Variants in PITPNC1 observed in about 807,000 individuals in gnomAD.
PITPNC1 encodes the protein cytoplasmic phosphatidylinositol transfer protein 1.
In PITPNC1, 18 loss-of-function variants were observed where a neutral mutation model predicts 44.7. The observed-to-expected ratio is 0.40, with a 90% CI of 0.28 to 0.60. PITPNC1 has a LOEUF of 0.60. PITPNC1 is among the 20% of genes least tolerant of loss of function. The probability of loss-of-function intolerance (pLI) is 0.39; values close to 1 mark genes in which losing one functional copy is unlikely to be tolerated. For synonymous variants in PITPNC1, 141 were observed against 149.6 expected (o/e 0.94, Z 0.42); for missense variants, 290 against 418.4 (o/e 0.69, Z 2.68).
At chr17:67,680,116 A>G (rs1300062252) in intron 8 of PITPNC1, among the ~76,000 whole-genome samples, 1 of 152,132 alleles carries the variant, frequency 6.6e-6, no homozygotes, top group Non-Finnish European at 1.5e-5. Context: ...ATGGAGAAAG[A>G]AGCCTGCTAG....
chr17:67,538,622 G>GATAA (rs1338508950), intron 2 of PITPNC1, among the ~76,000 whole-genome samples: 23 of 151,926 alleles, frequency 1.5e-4, no homozygotes, highest in African/African-American at 5.6e-4. Context: ...TAAATAGATA[G>GATAA]ATAAATTCCA....
rs1182934692 is a variant in PITPNC1 at position 67,694,580 on chromosome 17, G to A, written c.*1692G>A. On this transcript the variant is annotated 3_prime_UTR_variant, in exon 9 of 9. Coordinates refer to ENST00000581322, the MANE Select transcript of PITPNC1 (RefSeq NM_012417.4). The stretch of plus-strand genomic sequence containing the variant: ...AGTTTTCTAAGTCATAGGTCAGACT[G>A]TCAAGATCATTTCTTTATCTATAGG... 6.6e-6 allele frequency: 1 copy of A among 152,054 alleles called. No homozygotes were observed. Among genetic ancestry groups the A allele is most frequent in the Non-Finnish European group, 1.5e-5 (1 of 68,026 alleles). The allele number at this position is 152,054 out of a possible 1,614,324, so 9.4% of individuals were successfully genotyped here. A position where few individuals can be genotyped will look rare whatever the true frequency, so the allele number is the denominator to read the frequency against.
chr17:67,462,314 C>CTCTGCCTCCTGGGT (rs1235274510), intron 1 of PITPNC1, among the ~76,000 whole-genome samples: 1 of 146,804 alleles, frequency 6.8e-6, no homozygotes, highest in Non-Finnish European at 1.5e-5. Context: ...TCACTACAAC[C>CTCTGCCTCCTGGGT]TCTGCCTCCT....
chr17:67,433,953 T>TA (rs1208431360), intron 1 of PITPNC1, among the ~76,000 whole-genome samples: 1 of 152,014 alleles, frequency 6.6e-6, no homozygotes, highest in Non-Finnish European at 1.5e-5. Context: ...GGTGCTGGCA[T>TA]AGAGGTACAG....
At chr17:67,520,562 T>C (rs2040312550) in intron 1 of PITPNC1, among the ~76,000 whole-genome samples, 1 of 152,194 alleles carries the variant, frequency 6.6e-6, no homozygotes, top group Non-Finnish European at 1.5e-5. Context: ...GAAATCCCCC[T>C]CTTTGCCAGA....
Position 67,392,102 on chromosome 17 carries a change from G to A in PITPNC1, c.48+13900G>A, listed in dbSNP as rs368556805. ...ATAGGCATCATCAGCAGAGATGTTAGTTCATGAGCACCTGTGAGTTTCTCA... is the reference window on the plus strand; with the variant it reads ...ATAGGCATCATCAGCAGAGATGTTAATTCATGAGCACCTGTGAGTTTCTCA... On this transcript the variant is annotated intron_variant, in intron 1 of 8. Coordinates refer to ENST00000581322, the MANE Select transcript of PITPNC1 (RefSeq NM_012417.4). Among the ~76,000 whole-genome samples, 27 of 152,292 alleles carry A rather than the reference G, an allele frequency of 1.8e-4. No homozygotes were observed. The South Asian group carries it at 5.2e-3, about 29-fold the overall frequency.
intron 1 of PITPNC1, among the ~76,000 whole-genome samples, chr17:67,381,179 T>A (rs933495328): frequency 1.3e-5 from 2 of 151,644 alleles, no homozygotes; most frequent in African/African-American, 4.8e-5. Context: ...TACAAAAAAA[T>A]TAAGCAGGCC....
chr17:67,394,329 T>C (rs992340834), intron 1 of PITPNC1, among the ~76,000 whole-genome samples: 2 of 152,124 alleles, frequency 1.3e-5, no homozygotes, highest in African/African-American at 4.8e-5. Flanking sequence ...AAGCCTGGCC[T>C]TCTTTAACCT....
intron 5 of PITPNC1, chr17:67,613,379 T>C (rs1372046908): frequency 6.6e-6 from 1 of 152,176 alleles, no homozygotes; most frequent in Admixed American, 6.5e-5. Flanking sequence ...GTCTGAGATA[T>C]CCAGGAGATT....
chr17:67,435,269 T>C (rs1314125582), intron 1 of PITPNC1, among the ~76,000 whole-genome samples: 2 of 152,188 alleles, frequency 1.3e-5, no homozygotes, highest in African/African-American at 4.8e-5. Flanking sequence ...CTTGTGAAGA[T>C]AAAAGCCACA....
intron 5 of PITPNC1, among the ~76,000 whole-genome samples, chr17:67,628,879 A>G (rs2041929372): frequency 6.6e-6 from 1 of 152,196 alleles, no homozygotes. Flanking sequence ...CTGCAGCCCA[A>G]CAACATCCAA....
intron 6 of PITPNC1, among the ~76,000 whole-genome samples, chr17:67,650,016 G>A (rs1387587151): frequency 1.3e-5 from 2 of 152,050 alleles, no homozygotes; most frequent in African/African-American, 2.4e-5. Context: ...CCTCCCTAGA[G>A]GTCAGTGGAT....
intron 1 of PITPNC1, among the ~76,000 whole-genome samples, chr17:67,434,656 C>A (rs2038906038): frequency 6.6e-6 from 1 of 151,346 alleles, no homozygotes; most frequent in African/African-American, 2.4e-5. Flanking sequence ...ACTAAAAATA[C>A]AAAAAAATTT....
chr17:67,428,416 T>C (rs2038803409), intron 1 of PITPNC1, among the ~76,000 whole-genome samples: 1 of 151,868 alleles, frequency 6.6e-6, no homozygotes, highest in South Asian at 2.1e-4. Flanking sequence ...GGTGCACACC[T>C]ATAGTCCTAG....
intron 1 of PITPNC1, among the ~76,000 whole-genome samples, chr17:67,433,275 G>C (rs1427227987): frequency 1.3e-5 from 2 of 152,238 alleles, no homozygotes; most frequent in Non-Finnish European, 2.9e-5. Flanking sequence ...CAAAGCTACA[G>C]GTGCAGAGCA....
chr17:67,660,294 G>A (rs2042324595), intron 6 of PITPNC1, among the ~76,000 whole-genome samples: 1 of 152,134 alleles, frequency 6.6e-6, no homozygotes, highest in African/African-American at 2.4e-5. Context: ...AGAGCAGGCA[G>A]GAACTAGTCC....
rs372410074 is a variant in PITPNC1, at chr17:67,388,283, A to G, written c.48+10081A>G. ...TTGCCGTCAGACTGCTTTCCTCCCA[A>G]TTCCCGGAGGAGTATGTATATTAGT... On this transcript the variant is annotated intron_variant, in intron 1 of 8. Coordinates refer to ENST00000581322, the MANE Select transcript of PITPNC1 (RefSeq NM_012417.4). Among the ~76,000 whole-genome samples, 17 of 150,724 alleles carry G rather than the reference A, an allele frequency of 1.1e-4. No individual in the cohort carries two copies. In the East Asian group the frequency reaches 2.7e-3, roughly 24 times the overall value.
At chr17:67,503,669 A>C (rs538107480) in intron 1 of PITPNC1, among the ~76,000 whole-genome samples, 2 of 152,224 alleles carry the variant, frequency 1.3e-5, no homozygotes, top group South Asian at 4.1e-4. Context: ...TATATATCTT[A>C]TTTTTTAGAG....
chr17:67,595,594 T>C (rs1407325793), intron 5 of PITPNC1, among the ~76,000 whole-genome samples: 1 of 152,202 alleles, frequency 6.6e-6, no homozygotes, highest in Non-Finnish European at 1.5e-5. Context: ...TCTGCTCCCC[T>C]ACTTGTACAC....
Sources: allele counts gnomAD v4.1 joint callset (sites outside exome capture counted in the v4.1 genomes callset), GRCh38; gene constraint gnomAD v4.1.1; transcripts MANE v1.5; gene names NCBI Gene and HGNC (gene_info 2026-07-23, HGNC 2026-07-21).